The following ACTR3 variants were observed in gnomAD, a reference collection of about 807,000 sequenced individuals.
ACTR3 encodes actin-related protein 3.
ACTR3 carries 12 observed loss-of-function variants against 56.8 expected under a neutral mutation model. The ratio of observed to expected loss-of-function variants is 0.21; its 90% CI spans 0.14 to 0.34. ACTR3 has a LOEUF of 0.34. Among genes scored for constraint, ACTR3 ranks in the 10% least tolerant of loss-of-function variants. ACTR3 has a pLI of 1.00. For missense variants in ACTR3, 282 were observed against 512.5 expected (o/e 0.55, Z 4.34); for synonymous variants, 162 against 167.4 (o/e 0.97, Z 0.25).
chr2:113,890,532 G>C, intron 1 of ACTR3: 1 of 1,365,020 alleles, frequency 7.3e-7, no homozygotes, highest in East Asian at 2.9e-5. Context: ...GGGGGCGCGG[G>C]CCCGAGATTC....
chr2:113,896,703 A>G (rs912857287), intron 1 of ACTR3, among the ~76,000 whole-genome samples: 1 of 152,252 alleles, frequency 6.6e-6, no homozygotes, highest in African/African-American at 2.4e-5. Flanking sequence ...GAAAGATTGA[A>G]TATCAGTTTC....
intron 1 of ACTR3, among the ~76,000 whole-genome samples, chr2:113,908,808 T>C (rs1379066944): frequency 1.3e-5 from 2 of 152,168 alleles, no homozygotes; most frequent in African/African-American, 4.8e-5. Context: ...AATGTGACTT[T>C]TTGAAGGTTG....
At chr2:113,952,838 A>G (rs995747756) in intron 10 of ACTR3, 3 of 152,104 alleles carry the variant, frequency 2.0e-5, no homozygotes, top group African/African-American at 7.2e-5. Flanking sequence ...TTCCCAACCA[A>G]CCAAACCACC....
chr2:113,924,840 C>A (rs80047318), intron 3 of ACTR3, among the ~76,000 whole-genome samples: 3 of 151,998 alleles, frequency 2.0e-5, no homozygotes, highest in Admixed American at 6.5e-5. Flanking sequence ...ACCTCCTCAG[C>A]GAAACCTTTT....
At chr2:113,928,178 T>C (rs181086766) in intron 4 of ACTR3, among the ~76,000 whole-genome samples, 11 of 152,192 alleles carry the variant, frequency 7.2e-5, no homozygotes, top group Non-Finnish European at 1.2e-4. Flanking sequence ...TACATCACAA[T>C]TTTTGGTTAA....
intron 4 of ACTR3, among the ~76,000 whole-genome samples, chr2:113,930,338 G>A (rs1679697340): frequency 6.6e-6 from 1 of 151,782 alleles, no homozygotes; most frequent in South Asian, 2.1e-4. Flanking sequence ...ATACTTAGTT[G>A]TTTTGCTTTA....
chr2:113,907,759 G>A (rs573604192), intron 1 of ACTR3, among the ~76,000 whole-genome samples: 3 of 152,172 alleles, frequency 2.0e-5, no homozygotes, highest in African/African-American at 7.2e-5. Context: ...GATCACCTGA[G>A]ATCAGGAGTT....
At chr2:113,954,919 C>T (rs1217925206) in intron 10 of ACTR3, 1 of 152,038 alleles carries the variant, frequency 6.6e-6, no homozygotes, top group African/African-American at 2.4e-5. Context: ...ATATCTAATT[C>T]TCTACATAAA....
chr2:113,956,011 A>G (rs957397293), intron 11 of ACTR3, among the ~76,000 whole-genome samples: 3 of 151,926 alleles, frequency 2.0e-5, no homozygotes, highest in Non-Finnish European at 4.4e-5. Flanking sequence ...TCCCAAAGCA[A>G]AGTGTTGGGT....
Position 113,931,467 on chromosome 2 carries a change from G to A in ACTR3, c.432+71G>A, listed in dbSNP as rs532079265. On this transcript the variant is annotated intron_variant, in intron 5 of 11. Transcript: ENST00000263238. ...TAGTTTAATTTGCTGCCTAAAATAC[G>A]TACTTTTTTTTTTTTTCTGCAAAGG... is the stretch of plus-strand genomic sequence containing the variant. The A allele has an allele frequency of 3.2e-5, 33 of 1,016,052 alleles. No homozygotes were observed. The East Asian group carries it at 5.0e-4, about 15-fold the overall frequency. 62.9% of individuals were successfully genotyped at this position (1,016,052 alleles called of 1,614,324 possible).
At chr2:113,907,064 C>G (rs965655314) in intron 1 of ACTR3, among the ~76,000 whole-genome samples, 2 of 151,964 alleles carry the variant, frequency 1.3e-5, no homozygotes, top group Non-Finnish European at 2.9e-5. Flanking sequence ...AAGTTTGTCC[C>G]AAGTCTGAAT....
chr2:113,899,237 A>G (rs187069875), intron 1 of ACTR3, among the ~76,000 whole-genome samples: 2 of 152,304 alleles, frequency 1.3e-5, no homozygotes, highest in East Asian at 1.9e-4. Context: ...CTAATTACAT[A>G]TATCTTCAAA....
chr2:113,929,136 T>G (rs1197877147), intron 4 of ACTR3, among the ~76,000 whole-genome samples: 2 of 151,790 alleles, frequency 1.3e-5, no homozygotes, highest in Admixed American at 6.6e-5. Flanking sequence ...TTTTGTTTTT[T>G]TTTTGTTTTT....
intron 8 of ACTR3, among the ~76,000 whole-genome samples, chr2:113,944,359 G>A (rs775630848): frequency 8.6e-5 from 13 of 151,864 alleles, no homozygotes; most frequent in Non-Finnish European, 1.6e-4. Context: ...CAGGAGGGAA[G>A]GAATTAAGTA....
In ACTR3 at chr2:113,890,774, T is replaced by C. The variant is rs973070752; in HGVS notation, c.44+451T>C. 145 of 1,015,086 alleles carry C rather than the reference T, an allele frequency of 1.4e-4. 1 individual carries two copies. The highest frequency in any genetic ancestry group is 9.6e-4 in the Middle Eastern group (2 of 2,078). 62.9% of individuals were successfully genotyped at this position (1,015,086 alleles called of 1,614,324 possible). A position where few individuals can be genotyped will look rare whatever the true frequency, so the allele number is the denominator to read the frequency against. On this transcript the variant is annotated intron_variant, in intron 1 of 11. Transcript: ENST00000263238. ...CAGGGGAGCTAGAAAAGAGAAGCGC[T>C]CCTGGTAGGTTTGACAAGATCGCTG...
At chr2:113,916,447 A>G (rs906272779) in intron 2 of ACTR3, among the ~76,000 whole-genome samples, 1 of 152,194 alleles carries the variant, frequency 6.6e-6, no homozygotes, top group Non-Finnish European at 1.5e-5. Flanking sequence ...CACTATTACT[A>G]GACCCAGTAG....
intron 1 of ACTR3, among the ~76,000 whole-genome samples, chr2:113,908,392 A>AT (rs1369434995): frequency 6.6e-6 from 1 of 151,908 alleles, no homozygotes; most frequent in Admixed American, 6.5e-5. Context: ...TTCATGTGTA[A>AT]AACTCAATAG....
Position 113,962,282 on chromosome 2 carries a change from T to C in ACTR3, c.*4827T>C, listed in dbSNP as rs1427155918. 1 of 151,984 alleles carries C rather than the reference T, an allele frequency of 6.6e-6. No homozygotes were observed. Among genetic ancestry groups the C allele is most frequent in the Non-Finnish European group, 1.5e-5 (1 of 67,904 alleles). The allele number at this position is 151,984 out of a possible 1,614,324, so 9.4% of individuals were successfully genotyped here. A position where few individuals can be genotyped will look rare whatever the true frequency, so the allele number is the denominator to read the frequency against. ...AAGCCTTCAGTCATTTCAAAATCTC[T>C]GTAGTGTAAATGATCACAGGCTCTA... is the stretch of plus-strand genomic sequence containing the variant. On this transcript the variant is annotated 3_prime_UTR_variant, in exon 12 of 12. Coordinates refer to ENST00000263238, the MANE Select transcript of ACTR3 (RefSeq NM_005721.5).
Position 113,903,127 on chromosome 2 carries a change from A to G in ACTR3, c.45-10045A>G, listed in dbSNP as rs75298856. Among the ~76,000 whole-genome samples the G allele has an allele frequency of 6.6e-3, 1,008 of 152,338 alleles. 18 individuals carry two copies. The highest frequency in any genetic ancestry group is 0.023 in the African/African-American group (965 of 41,570). ...TATAACTGGAAACTTGTATACATTG[A>G]TCAACAGCTCTCCAATTCCTCCATT... On this transcript the variant is annotated intron_variant, in intron 1 of 11. Coordinates refer to ENST00000263238, the MANE Select transcript of ACTR3 (RefSeq NM_005721.5).
Sources: allele counts gnomAD v4.1 joint callset (sites outside exome capture counted in the v4.1 genomes callset), GRCh38; gene constraint gnomAD v4.1.1; transcripts MANE v1.5; gene names NCBI Gene and HGNC (gene_info 2026-07-23, HGNC 2026-07-21).